Variants in EDIL3 observed in about 807,000 individuals in gnomAD.
The protein encoded by EDIL3 is EGF-like repeat and discoidin I-like domain-containing protein 3.
A neutral mutation model predicts 67.4 loss-of-function variants in EDIL3; 37 were observed. The observed-to-expected ratio is 0.55, with a 90% CI of 0.42 to 0.72. The LOEUF is 0.72. Among genes scored for constraint, EDIL3 ranks in the 30% least tolerant of loss-of-function variants. The probability of loss-of-function intolerance (pLI) is 0.00; values close to 1 mark genes in which losing one functional copy is unlikely to be tolerated. For missense variants in EDIL3, 527 were observed against 586.3 expected, an observed-to-expected ratio of 0.90 and a Z score of 1.04; for synonymous variants, 195 against 196.3, an observed-to-expected ratio of 0.99 and a Z score of 0.05.
At chr5:84,009,668 G>A (rs928071950) in intron 9 of EDIL3, among the ~76,000 whole-genome samples, 3 of 152,162 alleles carry the variant, frequency 2.0e-5, no homozygotes, top group Non-Finnish European at 4.4e-5. Context: ...GAAGAGCCCT[G>A]TCATGAGTCG....
chr5:84,136,242 G>A (rs962738081), intron 5 of EDIL3, among the ~76,000 whole-genome samples: 2 of 152,134 alleles, frequency 1.3e-5, no homozygotes, highest in Admixed American at 6.6e-5. Flanking sequence ...ACAACATCAG[G>A]TGTGTCTCAG....
rs368980982 is a variant in EDIL3 at position 84,343,778 on chromosome 5, C to T, written c.67+40530G>A. On this transcript the variant is annotated intron_variant, in intron 1 of 10. Coordinates refer to ENST00000296591, the MANE Select transcript of EDIL3 (RefSeq NM_005711.5). Reference sequence around the variant, plus strand: ...CTCATAGCCTCTAGCAAAGCCTATCCCCTGGCTTGGAATAGAACCTGGGAA... The same window carrying T: ...CTCATAGCCTCTAGCAAAGCCTATCTCCTGGCTTGGAATAGAACCTGGGAA... 2.4e-4 allele frequency among the ~76,000 whole-genome samples: 36 copies of T among 152,020 alleles called. 1 individual carries two copies. The highest frequency in any genetic ancestry group is 8.5e-4 in the African/African-American group (35 of 41,386).
chr5:83,980,917 G>A (rs998640684), intron 9 of EDIL3, among the ~76,000 whole-genome samples: 2 of 151,730 alleles, frequency 1.3e-5, no homozygotes, highest in African/African-American at 4.8e-5. Context: ...AATAAAATAT[G>A]TGAGGATAAA....
chr5:84,262,659 G>GTGTTTTT (rs1745250482), intron 1 of EDIL3, among the ~76,000 whole-genome samples: 1 of 46,310 alleles, frequency 2.2e-5, no homozygotes, highest in Non-Finnish European at 3.6e-5. Flanking sequence ...AGGTTGGTTG[G>GTGTTTTT]TTTTTTTTTT....
intron 4 of EDIL3, among the ~76,000 whole-genome samples, chr5:84,168,165 A>G: frequency 6.6e-6 from 1 of 152,158 alleles, no homozygotes; most frequent in Admixed American, 6.6e-5. Context: ...TATCCACTCT[A>G]TGCAACTGTG....
chr5:84,165,446 A>G (rs1320889648), intron 4 of EDIL3, among the ~76,000 whole-genome samples: 1 of 152,064 alleles, frequency 6.6e-6, no homozygotes. Context: ...ATTTCTCACA[A>G]CGGCAACTCT....
intron 4 of EDIL3, among the ~76,000 whole-genome samples, chr5:84,145,199 G>A (rs2112324523): frequency 6.6e-6 from 1 of 152,234 alleles, no homozygotes; most frequent in East Asian, 1.9e-4. Flanking sequence ...AGAAAAAGCA[G>A]TAGTTTTGCC....
chr5:84,230,503 G>A (rs1375129286), intron 2 of EDIL3, among the ~76,000 whole-genome samples: 1 of 151,932 alleles, frequency 6.6e-6, no homozygotes, highest in African/African-American at 2.4e-5. Context: ...CGCCTCCTGG[G>A]TTCAAGCAAT....
chr5:84,319,705 T>G (rs530553570), intron 1 of EDIL3, among the ~76,000 whole-genome samples: 7 of 152,116 alleles, frequency 4.6e-5, no homozygotes, highest in Non-Finnish European at 7.3e-5. Flanking sequence ...TGCACACATA[T>G]GTTTACTGCA....
At chr5:84,055,451 G>T (rs888079367) in intron 9 of EDIL3, among the ~76,000 whole-genome samples, 1 of 132,682 alleles carries the variant, frequency 7.5e-6, no homozygotes, top group Non-Finnish European at 1.6e-5. Context: ...AGCCAAAATT[G>T]ACAAATGGGA....
chr5:84,336,337 G>A (rs1746985562), intron 1 of EDIL3, among the ~76,000 whole-genome samples: 1 of 152,176 alleles, frequency 6.6e-6, no homozygotes, highest in Admixed American at 6.5e-5. Context: ...GAGAAGCCTT[G>A]CAAGATACTT....
intron 1 of EDIL3, among the ~76,000 whole-genome samples, chr5:84,280,676 G>T (rs1231041609): frequency 6.6e-6 from 1 of 152,124 alleles, no homozygotes; most frequent in Non-Finnish European, 1.5e-5. Context: ...ACCTAGGCCA[G>T]GGGTGGTGGT....
intron 1 of EDIL3, among the ~76,000 whole-genome samples, chr5:84,279,132 T>G (rs1198309779): frequency 2.6e-5 from 4 of 152,192 alleles, no homozygotes; most frequent in African/African-American, 9.7e-5. Context: ...GTAAATTTCC[T>G]ACCTCCCTTA....
chr5:84,118,520 C>G (rs1747714875), intron 5 of EDIL3, among the ~76,000 whole-genome samples: 1 of 152,106 alleles, frequency 6.6e-6, no homozygotes, highest in African/African-American at 2.4e-5. Flanking sequence ...TCTTCACAAA[C>G]TTTCTATTAT....
chr5:84,179,045 G>A (rs118119981), intron 4 of EDIL3, among the ~76,000 whole-genome samples: 2 of 152,286 alleles, frequency 1.3e-5, no homozygotes, highest in South Asian at 2.1e-4. Context: ...AAGCTTGTTT[G>A]AATATAGTAT....
intron 4 of EDIL3, among the ~76,000 whole-genome samples, chr5:84,156,493 C>T (rs994540197): frequency 3.3e-5 from 5 of 152,150 alleles, no homozygotes; most frequent in Admixed American, 6.6e-5. Context: ...TAGTCCCTCT[C>T]GCTACTTTTA....
chr5:83,990,725 C>A (rs570154230), intron 9 of EDIL3, among the ~76,000 whole-genome samples: 1 of 150,858 alleles, frequency 6.6e-6, no homozygotes, highest in African/African-American at 2.4e-5. Context: ...ACTGAAAATA[C>A]GAAAATTAGC....
intron 4 of EDIL3, among the ~76,000 whole-genome samples, chr5:84,149,273 A>G (rs1298630412): frequency 2.0e-5 from 3 of 152,178 alleles, no homozygotes; most frequent in Non-Finnish European, 4.4e-5. Context: ...AGGGTAGATT[A>G]GCATTCACAG....
At position 84,070,606 on chromosome 5, in the gene EDIL3, AGTGTGTGTGT is replaced by A. The variant is rs35930293; in HGVS notation, c.652-4010_652-4001del. Among the ~76,000 whole-genome samples, 661 of 144,682 alleles carry A rather than the reference AGTGTGTGTGT, an allele frequency of 4.6e-3. 5 individuals carry two copies. The highest frequency in any genetic ancestry group is 0.018 in the Middle Eastern group (5 of 276). The allele number at this position is 144,682 out of a possible 152,430, so 94.9% of individuals were successfully genotyped here. On this transcript the variant is annotated intron_variant, in intron 6 of 10. Coordinates refer to ENST00000296591, the MANE Select transcript of EDIL3 (RefSeq NM_005711.5). ...GACATTTAGGGCTACTATGGTTAAGAGTGTGTGTGTGTGTGTGTGTGTGTGTGTGTGTGTG... is the reference window on the plus strand; with the variant it reads ...GACATTTAGGGCTACTATGGTTAAGAGTGTGTGTGTGTGTGTGTGTGTGTG...
Sources: allele counts gnomAD v4.1 joint callset (sites outside exome capture counted in the v4.1 genomes callset), GRCh38; gene constraint gnomAD v4.1.1; transcripts MANE v1.5; gene names NCBI Gene and HGNC (gene_info 2026-07-23, HGNC 2026-07-21).